The following CENPL variants were observed in gnomAD, a reference collection of about 807,000 sequenced individuals.
CENPL encodes centromere protein L, also known as interphase centromere complex protein 33.
In CENPL, 20 loss-of-function variants were observed where a neutral mutation model predicts 35.2. That is an observed-to-expected ratio of 0.57 (90% CI 0.40 to 0.83). The LOEUF is 0.83. Ranked by LOEUF, CENPL falls within the 40% of genes least tolerant of loss-of-function variation. CENPL has a pLI of 0.00. For synonymous variants in CENPL, 140 were observed against 140.6 expected, an observed-to-expected ratio of 1.00 and a Z score of 0.03; for missense variants, 363 against 395.8, an observed-to-expected ratio of 0.92 and a Z score of 0.70.
At chr1:173,802,896 C>T in intron 5 of CENPL, 67 bp downstream of exon 5, 1 of 1,045,946 alleles carries the variant, frequency 9.6e-7, no homozygotes, top group Non-Finnish European at 1.4e-6. Context: ...GTGGACAATA[C>T]AATCATCATA....
At chr1:173,818,043 T>C (rs1271893963) in intron 2 of CENPL, among the ~76,000 whole-genome samples, 2 of 152,016 alleles carry the variant, frequency 1.3e-5, no homozygotes, top group African/African-American at 4.8e-5. Flanking sequence ...TTAGGAGAAA[T>C]ACCTAATGTA....
intron 3 of CENPL, chr1:173,808,382 C>CCTGG: frequency 1.3e-5 from 2 of 151,948 alleles, no homozygotes; most frequent in Non-Finnish European, 2.9e-5. Context: ...TGCACTCCAG[C>CCTGG]CTGGGTGGCA....
At chr1:173,804,675 T>A (rs1650050653) in intron 4 of CENPL, among the ~76,000 whole-genome samples, 1 of 152,236 alleles carries the variant, frequency 6.6e-6, no homozygotes, top group Non-Finnish European at 1.5e-5. Flanking sequence ...ATACTGAGGC[T>A]GTAAATTTAT....
intron 4 of CENPL, 130 bp from the exon 5 acceptor site, chr1:173,803,635 T>G: frequency 4.9e-5 from 37 of 751,976 alleles, no homozygotes; most frequent in Non-Finnish European, 7.4e-5. Flanking sequence ...ATAGAGGGAA[T>G]AGTCTCCCTA....
intron 3 of CENPL, chr1:173,808,589 C>G (rs1008564010): frequency 2.6e-5 from 4 of 150,996 alleles, no homozygotes; most frequent in African/African-American, 9.7e-5. Flanking sequence ...TTCCCCCTTC[C>G]CCCTTTGTCA....
chr1:173,813,685 T>C (rs1007944797), intron 2 of CENPL, among the ~76,000 whole-genome samples: 3 of 151,926 alleles, frequency 2.0e-5, no homozygotes, highest in Non-Finnish European at 2.9e-5. Flanking sequence ...GCACTAAACA[T>C]GGAAAGGAAC....
intron 3 of CENPL, 111 bp from the exon 4 acceptor site, chr1:173,807,629 G>A: frequency 2.4e-6 from 2 of 837,116 alleles, no homozygotes; most frequent in South Asian, 5.1e-5. Flanking sequence ...CCTGATTTTT[G>A]CACTCCAACC....
Position 173,824,713 on chromosome 1 carries a change from C to A in CENPL, c.-603G>T. The A allele has an allele frequency of 5.6e-6, 1 of 179,132 alleles. No homozygotes were observed. 11.1% of individuals were successfully genotyped at this position (179,132 alleles called of 1,614,324 possible). A position where few individuals can be genotyped will look rare whatever the true frequency, so the allele number is the denominator to read the frequency against. On this transcript the variant is annotated 5_prime_UTR_variant, in exon 1 of 6. Coordinates refer to ENST00000682279, the MANE Select transcript of CENPL (RefSeq NM_001387287.1). ...CCCAGCGGCGATCTGTGTTTGGGTTCGCGCTCTGGGAGAATTTTGGCTTTG... is the reference window on the plus strand; with the variant it reads ...CCCAGCGGCGATCTGTGTTTGGGTTAGCGCTCTGGGAGAATTTTGGCTTTG...
intron 3 of CENPL, among the ~76,000 whole-genome samples, chr1:173,809,609 AAAC>A (rs1248871341): frequency 7.9e-5 from 12 of 151,878 alleles, no homozygotes; most frequent in African/African-American, 2.7e-4. Flanking sequence ...AAAAAAAACA[AAAC>A]AACAACAAAA....
rs771847956 is a variant in CENPL at position 173,803,425 on chromosome 1, T to C, written c.501A>G (p.Gly167=). The C allele has an allele frequency of 2.5e-6, 4 of 1,613,978 alleles. No individual in the cohort carries two copies. The East Asian group carries it at 6.7e-5, about 27-fold the overall frequency. Residue 167 remains glycine (G), a synonymous_variant, in exon 5 of 6, where the codon GGA becomes GGG. Transcript: ENST00000682279. ...LWTGWFCCVF[G]DSLLETVSED... ...CTGAAACAGTCTCCAGAAGACTGTC[T>C]CCAAATACACAGCAGAACCAGCCAG...
intron 2 of CENPL, among the ~76,000 whole-genome samples, chr1:173,821,478 TAA>T (rs1011092772): frequency 1.8e-4 from 27 of 152,262 alleles, no homozygotes; most frequent in African/African-American, 5.5e-4. Flanking sequence ...TAGGTGACTT[TAA>T]AAAGTCTAGC....
chr1:173,820,940 C>G (rs1332790820), intron 2 of CENPL, among the ~76,000 whole-genome samples: 4 of 152,172 alleles, frequency 2.6e-5, no homozygotes, highest in Non-Finnish European at 5.9e-5. Context: ...ACAAGAATTC[C>G]TTGTGGTGAT....
chr1:173,800,434 G>A lies in CENPL; in HGVS notation c.*14C>T, dbSNP rs370711326. On this transcript the variant is annotated 3_prime_UTR_variant, in exon 6 of 6. Transcript: ENST00000682279. ...AAGAGTATATAATCTATAACTTATA[G>A]TCCACATAAGGCTTCACTCAATTTG... The A allele has an allele frequency of 8.3e-6, 9 of 1,083,060 alleles. No homozygotes were observed. Among genetic ancestry groups the A allele is most frequent in the Non-Finnish European group, 1.3e-5 (9 of 703,314 alleles). The allele number at this position is 1,083,060 out of a possible 1,614,324, so 67.1% of individuals were successfully genotyped here.
chr1:173,803,241 T>G lies in CENPL; in HGVS notation c.685A>C (p.Lys229Gln). The G allele has an allele frequency of 3.1e-6, 5 of 1,614,116 alleles. No homozygotes were observed. The highest frequency in any genetic ancestry group is 3.4e-6 in the Non-Finnish European group (4 of 1,179,916). Residue 229 changes from lysine to glutamine, a missense_variant, in exon 5 of 6, where the codon AAA becomes CAA. Physicochemically the swap from Lys to Gln is moderately conservative, Grantham distance 53. Coordinates refer to ENST00000682279, the MANE Select transcript of CENPL (RefSeq NM_001387287.1). ...GTAGTAGCCACATAATGGTCCATTT[T>G]GCATGCAGTCCACATGGCAGCCATC... The part of the protein sequence containing the change: ...SWMAAMWTAC[K>Q]MDHYVATTEF...
At chr1:173,815,371 G>C (rs1193468462) in intron 2 of CENPL, among the ~76,000 whole-genome samples, 8 of 152,184 alleles carry the variant, frequency 5.3e-5, no homozygotes, top group Non-Finnish European at 1.2e-4. Context: ...AAGCCTGGCA[G>C]AGACACAACA....
intron 3 of CENPL, 154 bp downstream of exon 3, chr1:173,810,978 A>G: frequency 1.7e-6 from 1 of 586,174 alleles, no homozygotes; most frequent in Non-Finnish European, 3.0e-6. Flanking sequence ...ATAAAGAGGT[A>G]GCACTGATCG....
At chr1:173,810,887 A>C (rs1413431735) in intron 3 of CENPL, among the ~76,000 whole-genome samples, 2 of 152,218 alleles carry the variant, frequency 1.3e-5, no homozygotes, top group African/African-American at 4.8e-5. Flanking sequence ...ACTGCACTCC[A>C]GCCTAGGTGA....
intron 2 of CENPL, among the ~76,000 whole-genome samples, chr1:173,818,365 C>T (rs1651619879): frequency 6.6e-6 from 1 of 152,030 alleles, no homozygotes; most frequent in African/African-American, 2.4e-5. Flanking sequence ...TCTAATTCAG[C>T]TTCTCTTTAT....
In CENPL at chr1:173,814,027, C is replaced by T. The variant is rs139991807; in HGVS notation, c.-7-2721G>A. The stretch of plus-strand genomic sequence containing the variant: ...GCAAAAAAAAGCAGGGGTTGCAATC[C>T]TAATCTCTGATAAAACAGACTTTAA... On this transcript the variant is annotated intron_variant, in intron 2 of 5. Transcript: ENST00000682279. Among the ~76,000 whole-genome samples, 418 of 152,130 alleles carry T rather than the reference C, an allele frequency of 2.7e-3. 3 individuals are homozygous for T. The highest frequency in any genetic ancestry group is 9.4e-3 in the African/African-American group (389 of 41,508).
Sources: allele counts gnomAD v4.1 joint callset (sites outside exome capture counted in the v4.1 genomes callset), GRCh38; gene constraint gnomAD v4.1.1; transcripts MANE v1.5; gene names NCBI Gene and HGNC (gene_info 2026-07-23, HGNC 2026-07-21).